The following NT5C2 variants were observed in gnomAD, a reference collection of about 807,000 sequenced individuals.
NT5C2 encodes the protein cytosolic purine 5'-nucleotidase.
In NT5C2, 58 loss-of-function variants were observed where a neutral mutation model predicts 76.1. The ratio of observed to expected loss-of-function variants is 0.76; its 90% CI spans 0.62 to 0.95. The LOEUF is 0.95. Ranked by LOEUF, NT5C2 falls within the 40% of genes least tolerant of loss-of-function variation. NT5C2 has a pLI of 0.00. For missense variants in NT5C2, 478 were observed against 690.3 expected, an observed-to-expected ratio of 0.69 and a Z score of 3.45; for synonymous variants, 229 against 237.4, an observed-to-expected ratio of 0.96 and a Z score of 0.32.
intron 4 of NT5C2, among the ~76,000 whole-genome samples, chr10:103,120,996 T>TA (rs1243722089): frequency 2.0e-5 from 3 of 152,176 alleles, no homozygotes; most frequent in Non-Finnish European, 2.9e-5. Flanking sequence ...TGGACAAATT[T>TA]AAAAAATATG....
chr10:103,106,198 C>G (rs563668289), intron 5 of NT5C2, among the ~76,000 whole-genome samples: 1 of 152,250 alleles, frequency 6.6e-6, no homozygotes, highest in South Asian at 2.1e-4. Flanking sequence ...TTTTCTTAAT[C>G]TTAAATATTC....
chr10:103,172,446 A>G (rs1431076978), intron 3 of NT5C2, among the ~76,000 whole-genome samples: 2 of 151,498 alleles, frequency 1.3e-5, no homozygotes, highest in Non-Finnish European at 2.9e-5. Context: ...ACGAGGTTTC[A>G]CTGTGTTAGC....
At chr10:103,140,993 G>A (rs1228446610) in intron 3 of NT5C2, among the ~76,000 whole-genome samples, 1 of 152,042 alleles carries the variant, frequency 6.6e-6, no homozygotes, top group Non-Finnish European at 1.5e-5. Context: ...TTTCTCCTTT[G>A]CTGCGCAGAA....
At chr10:103,105,651 C>T in intron 6 of NT5C2, 55 bp downstream of exon 6, 1 of 1,155,140 alleles carries the variant, frequency 8.7e-7, no homozygotes, top group Middle Eastern at 2.0e-4. Context: ...ATGATGTCAT[C>T]TTCACATTGT....
chr10:103,152,803 T>C (rs896860831), intron 3 of NT5C2, among the ~76,000 whole-genome samples: 4 of 152,208 alleles, frequency 2.6e-5, no homozygotes, highest in African/African-American at 9.6e-5. Flanking sequence ...CTATCTTATA[T>C]TGCAAAGCAA....
intron 4 of NT5C2, among the ~76,000 whole-genome samples, chr10:103,119,639 C>A (rs1419513292): frequency 6.6e-6 from 1 of 152,196 alleles, no homozygotes; most frequent in African/African-American, 2.4e-5. Flanking sequence ...CTTTCAGAGA[C>A]CTCTCGTCAC....
rs537259520 is a variant in NT5C2, at chr10:103,089,678, T to TTCCTCCTCC, written c.1671_1679dup (p.Glu558_Glu560dup). On this transcript the variant is annotated inframe_insertion, in exon 19 of 19. Transcript: ENST00000404739. The stretch of plus-strand genomic sequence containing the variant: ...GGGGTTTTGGTTTTCCTCCTTATTC[T>TTCCTCCTCC]TCCTCCTCCTCCTCCTCTTCATCAT... 2 of 1,560,016 alleles carry TTCCTCCTCC rather than the reference T, an allele frequency of 1.3e-6. No individual in the cohort carries two copies. The highest frequency in any genetic ancestry group is 1.8e-6 in the Non-Finnish European group (2 of 1,141,652).
chr10:103,116,410 A>G (rs924947271), intron 4 of NT5C2, among the ~76,000 whole-genome samples: 3 of 152,178 alleles, frequency 2.0e-5, no homozygotes, highest in Admixed American at 1.3e-4. Flanking sequence ...GTACACAAGT[A>G]TTATGTATCA....
At chr10:103,124,007 G>C (rs2076210028) in intron 4 of NT5C2, among the ~76,000 whole-genome samples, 2 of 152,068 alleles carry the variant, frequency 1.3e-5, no homozygotes, top group African/African-American at 4.8e-5. Context: ...CCATTATGTT[G>C]CTCTAGTCTT....
chr10:103,129,789 C>G (rs2077672833), intron 4 of NT5C2, among the ~76,000 whole-genome samples: 1 of 115,342 alleles, frequency 8.7e-6, no homozygotes, highest in African/African-American at 3.3e-5. Flanking sequence ...GCCGCCCCGT[C>G]CGGGAGGTGA....
intron 18 of NT5C2, 139 bp from the exon 19 acceptor site, chr10:103,090,047 C>T (rs982462015): frequency 1.8e-6 from 1 of 567,634 alleles, no homozygotes; most frequent in African/African-American, 1.9e-5. Flanking sequence ...ATAGACTTAT[C>T]TTCATAGAAC....
At chr10:103,090,329 C>A (rs375945801) in intron 18 of NT5C2, 2 of 380,524 alleles carry the variant, frequency 5.3e-6, no homozygotes, top group Non-Finnish European at 9.4e-6. Context: ...TCAATCCTCC[C>A]ACCTCAGCCT....
At chr10:103,173,922 CCT>C (rs1331276287) in intron 3 of NT5C2, among the ~76,000 whole-genome samples, 3 of 151,758 alleles carry the variant, frequency 2.0e-5, no homozygotes, top group Non-Finnish European at 4.4e-5. Flanking sequence ...ACGGTGAAAC[CCT>C]GTCTCTACTA....
At chr10:103,187,994 G>A (rs1202164012) in intron 1 of NT5C2, among the ~76,000 whole-genome samples, 1 of 152,148 alleles carries the variant, frequency 6.6e-6, no homozygotes, top group East Asian at 1.9e-4. Flanking sequence ...TGAATTTATA[G>A]AGCATAATTT....
intron 4 of NT5C2, among the ~76,000 whole-genome samples, chr10:103,138,285 T>C (rs1223955049): frequency 6.6e-6 from 1 of 152,164 alleles, no homozygotes; most frequent in African/African-American, 2.4e-5. Flanking sequence ...TGTTTGTTTT[T>C]TGTTAAGTTC....
chr10:103,166,684 TC>T (rs1337008663), intron 3 of NT5C2, among the ~76,000 whole-genome samples: 1 of 152,220 alleles, frequency 6.6e-6, no homozygotes, highest in African/African-American at 2.4e-5. Flanking sequence ...GACAGGGTTT[TC>T]CTGTGTCACC....
At chr10:103,091,508 T>A in intron 16 of NT5C2, 56 bp downstream of exon 16, 1 of 1,325,340 alleles carries the variant, frequency 7.5e-7, no homozygotes, top group Non-Finnish European at 1.1e-6. Context: ...GAACATTTCT[T>A]ATATCTAAGT....
At chr10:103,092,375 C>T (rs917830183) in intron 15 of NT5C2, among the ~76,000 whole-genome samples, 2 of 152,124 alleles carry the variant, frequency 1.3e-5, no homozygotes, top group African/African-American at 4.8e-5. Flanking sequence ...TCTTTATACA[C>T]ATATTACCTC....
intron 3 of NT5C2, chr10:103,146,365 C>G: frequency 1.0e-6 from 1 of 985,398 alleles, no homozygotes; most frequent in Non-Finnish European, 1.2e-6. Context: ...TGCCCAATGA[C>G]AGTTAGTGCA....
Sources: gnomAD v4.1 joint callset for allele counts (sites outside exome capture counted in the v4.1 genomes callset) on GRCh38, gnomAD v4.1.1 for gene constraint, MANE v1.5 for transcripts, NCBI Gene and HGNC (gene_info 2026-07-23, HGNC 2026-07-21) for gene names.